The following LTBP3 variants were observed in gnomAD, a reference collection of about 807,000 sequenced individuals.
LTBP3 encodes latent-transforming growth factor beta-binding protein 3.
LTBP3 carries 97 observed loss-of-function variants against 159.7 expected under a neutral mutation model. The ratio of observed to expected loss-of-function variants is 0.61; its 90% CI spans 0.52 to 0.72. LTBP3 has a LOEUF of 0.72. Ranked by LOEUF, LTBP3 falls within the 30% of genes least tolerant of loss-of-function variation. LTBP3 has a pLI of 0.00. For missense variants in LTBP3, 1,584 were observed against 1,864.3 expected (o/e 0.85, Z 2.77); for synonymous variants, 824 against 777.1 (o/e 1.06, Z -1.00).
At chr11:65,549,567 C>CTTTTTTTTT (rs748132211) in intron 11 of LTBP3, among the ~76,000 whole-genome samples, 791 of 64,816 alleles carry the variant, frequency 0.012, 1 homozygote, top group African/African-American at 0.014. Context: ...CCCAGCTAAT[C>CTTTTTTTTT]TTTTTTTTTT....
intron 8 of LTBP3, 168 bp downstream of exon 8, chr11:65,551,804 G>T: frequency 1.0e-6 from 1 of 959,242 alleles, no homozygotes; most frequent in Non-Finnish European, 1.6e-6. Flanking sequence ...TATAGCTCAG[G>T]GTCAAATATC....
intron 24 of LTBP3, 32 bp from the exon 25 acceptor site, chr11:65,539,913 C>A: frequency 1.3e-6 from 2 of 1,495,848 alleles, no homozygotes; most frequent in South Asian, 2.5e-5. Flanking sequence ...AGGGGAGGGG[C>A]CCAAGGCAGG....
rs761225152 is a variant in LTBP3 at position 65,546,597 on chromosome 11, C to G, written c.2231-33G>C. ...GGAAAGACCTAGCCTCGGACTCTGC[C>G]CCACCGGAAGGCGGACCGCGCACCT... On this transcript the variant is annotated intron_variant, in intron 15 of 27. Coordinates refer to ENST00000301873, the MANE Select transcript of LTBP3 (RefSeq NM_001130144.3). The surrounding 1 kb of genome is among the most constrained non-coding windows in gnomAD (Gnocchi z 4.0). 5 of 1,599,236 alleles carry G rather than the reference C, an allele frequency of 3.1e-6. No individual in the cohort carries two copies. In the Admixed American group the frequency reaches 6.7e-5, roughly 21 times the overall value.
At chr11:65,543,891 C>G (rs1262895231) in intron 16 of LTBP3, 4 of 373,056 alleles carry the variant, frequency 1.1e-5, no homozygotes, top group African/African-American at 2.1e-5. Context: ...TTCCCACTTT[C>G]TTCTGCTCAT....
chr11:65,541,823 A>G, intron 18 of LTBP3, 95 bp from the exon 19 acceptor site: 1 of 1,467,494 alleles, frequency 6.8e-7, no homozygotes, highest in Middle Eastern at 2.1e-4. Flanking sequence ...CTGAATTTCC[A>G]CTTTGGTTTC....
Position 65,547,530 on chromosome 11 carries a change from G to C in LTBP3, c.2016C>G (p.Asp672Glu), listed in dbSNP as rs1432255503. 6.2e-7 allele frequency: 1 copy of C among 1,613,952 alleles called. No homozygotes were observed. The highest frequency in any genetic ancestry group is 1.1e-5 in the South Asian group (1 of 91,092). The change falls in exon 14 of 28, where the codon GAC (aspartate) becomes GAG (glutamate). Residue 672 changes from aspartate (D) to glutamate (E), a missense_variant. Asp to Glu is a conservative substitution (Grantham distance 45). Transcript: ENST00000301873. The surrounding 1 kb of genome is among the most constrained non-coding windows in gnomAD (Gnocchi z 4.6). ...NECAKPHLCG[D>E]GGFCINFPGH... ...CGGGAAAGTTGATGCAGAAGCCGCC[G>C]TCGCCGCACAGGTGGGGCTTGGCGC...
Position 65,538,659 on chromosome 11 carries a change from C to T in LTBP3, c.*421G>A, listed in dbSNP as rs921446147. 4 of 1,399,002 alleles carry T rather than the reference C, an allele frequency of 2.9e-6. No individual in the cohort carries two copies. The highest frequency in any genetic ancestry group is 1.4e-5 in the African/African-American group (1 of 70,122). 86.7% of individuals were successfully genotyped at this position (1,399,002 alleles called of 1,614,324 possible). On this transcript the variant is annotated 3_prime_UTR_variant, in exon 28 of 28. Transcript: ENST00000301873. ...GTGAGCCCGGCCGGCCCAGCCAGGC[C>T]ATCTCACGTGTACATAATCAGAGCC...
Position 65,539,622 on chromosome 11 carries a change from T to C in LTBP3, c.3554A>G (p.His1185Arg). 6.2e-7 allele frequency: 1 copy of C among 1,610,226 alleles called. No individual in the cohort carries two copies. The highest frequency in any genetic ancestry group is 8.5e-7 in the Non-Finnish European group (1 of 1,178,780). ...RPCPPRGAGSHCPTSQSESNS... is the reference protein window; with the variant it reads ...RPCPPRGAGSRCPTSQSESNS... ...GCTCTCGCTCTGCGATGTCGGGCAATGGGACCCTGGGAGGAGCAGAACTGG... is the reference window on the plus strand; with the variant it reads ...GCTCTCGCTCTGCGATGTCGGGCAACGGGACCCTGGGAGGAGCAGAACTGG... Residue 1185 changes from histidine to arginine, a missense_variant, in exon 26 of 28, where the codon CAT (histidine) becomes CGT (arginine). Around this residue, in one of 6 missense-constraint regions of LTBP3, gnomAD observed 514 missense variants for 530.3 expected, o/e 0.97. Coordinates refer to ENST00000301873, the MANE Select transcript of LTBP3 (RefSeq NM_001130144.3).
Position 65,554,288 on chromosome 11 carries a change from C to A in LTBP3, c.424G>T (p.Val142Leu). 1 of 1,611,540 alleles carries A rather than the reference C, an allele frequency of 6.2e-7. No homozygotes were observed. Among genetic ancestry groups the A allele is most frequent in the South Asian group, 1.1e-5 (1 of 90,956 alleles). The part of the protein sequence containing the change: ...PPDFTGRFCQ[V>L]PAGGAGGGTG... ...CCCCCACCGGCTCCTCCTGCGGGCA[C>A]CTGGCAGAAGCGCCCAGTGAAGTCC... Residue 142 changes from valine to leucine, a missense_variant, in exon 2 of 28, where the codon GTG (valine) becomes TTG (leucine). Val to Leu is a conservative substitution (Grantham distance 32). This residue lies in a region of LTBP3 where 76 missense variants were observed against 133.3 expected (regional missense o/e 0.57). Transcript: ENST00000301873. This position sits in a 1 kb window ranked among gnomAD's most constrained non-coding sequence, Gnocchi z 5.3.
At chr11:65,551,789 G>C in intron 8 of LTBP3, 183 bp downstream of exon 8, 1 of 923,452 alleles carries the variant, frequency 1.1e-6, no homozygotes, top group African/African-American at 1.6e-5. Context: ...GAAGGCTTAG[G>C]AGGTTATAGC....
chr11:65,545,564 C>A, intron 16 of LTBP3: 1 of 230,920 alleles, frequency 4.3e-6, no homozygotes, highest in East Asian at 6.1e-5. Flanking sequence ...TTTCACTTGA[C>A]ATCCAGTTAA....
Position 65,538,726 on chromosome 11 carries a change from T to C in LTBP3, c.*354A>G. Reference sequence around the variant, plus strand: ...CACACCCCTTGTGCCGGGCTCAGTCTAGCCCCTGGGAGGCGGCTGGGGTCT... The same window carrying C: ...CACACCCCTTGTGCCGGGCTCAGTCCAGCCCCTGGGAGGCGGCTGGGGTCT... On this transcript the variant is annotated 3_prime_UTR_variant, in exon 28 of 28. Transcript: ENST00000301873. 1 of 1,087,114 alleles carries C rather than the reference T, an allele frequency of 9.2e-7. No individual in the cohort carries two copies. Among genetic ancestry groups the C allele is most frequent in the Non-Finnish European group, 1.3e-6 (1 of 782,586 alleles). 67.3% of individuals were successfully genotyped at this position (1,087,114 alleles called of 1,614,324 possible).
chr11:65,547,348 G>GAAAAA lies in LTBP3; in HGVS notation c.2107+86_2107+90dup. 1 of 834,954 alleles carries GAAAAA rather than the reference G, an allele frequency of 1.2e-6. No individual in the cohort carries two copies. Among genetic ancestry groups the GAAAAA allele is most frequent in the Non-Finnish European group, 1.6e-6 (1 of 628,416 alleles). 51.7% of individuals were successfully genotyped at this position (834,954 alleles called of 1,614,324 possible). A position where few individuals can be genotyped will look rare whatever the true frequency, so the allele number is the denominator to read the frequency against. On this transcript the variant is annotated intron_variant, in intron 14 of 27. Coordinates refer to ENST00000301873, the MANE Select transcript of LTBP3 (RefSeq NM_001130144.3). This position sits in a 1 kb window ranked among gnomAD's most constrained non-coding sequence, Gnocchi z 4.6. Reference sequence around the variant, plus strand: ...GACAGAGTGAGACTCCGTCTCGGGGGAAAAAAAAAAAAATGCAGGCACCCC... The same window carrying GAAAAA: ...GACAGAGTGAGACTCCGTCTCGGGGGAAAAAAAAAAAAAAAAAATGCAGGCACCCC...
In LTBP3 at chr11:65,552,232, G is replaced by A. The variant is rs1438495562; in HGVS notation, c.1345+16C>T. 1.2e-6 allele frequency: 2 copies of A among 1,614,140 alleles called. No homozygotes were observed. The highest frequency in any genetic ancestry group is 2.2e-5 in the East Asian group (1 of 44,874). On this transcript the variant is annotated intron_variant, in intron 7 of 27. Coordinates refer to ENST00000301873, the MANE Select transcript of LTBP3 (RefSeq NM_001130144.3). The surrounding 1 kb of genome is among the most constrained non-coding windows in gnomAD (Gnocchi z 6.0). The stretch of plus-strand genomic sequence containing the variant: ...ATGGACCTATGAACCCCTATCCCCG[G>A]GTAACCCTGACTCACCGGTGCCATC...
rs143450877 is a variant in LTBP3 at position 65,543,131 on chromosome 11, C to T, written c.2570G>A (p.Arg857Gln). Residue 857 changes from arginine to glutamine, a missense_variant, in exon 18 of 28, where the codon CGG becomes CAG. By Grantham distance (43) the Arg-to-Gln change is conservative. Around this residue, in one of 6 missense-constraint regions of LTBP3, gnomAD observed 565 missense variants for 677.7 expected, o/e 0.83. Coordinates refer to ENST00000301873, the MANE Select transcript of LTBP3 (RefSeq NM_001130144.3). ...TTGGCATTTCCTGCCACCCACCAGC[C>T]GATGCCCCTGGGGGCAAAGACATCT... is the stretch of plus-strand genomic sequence containing the variant. ...SYRCLCPQGH[R>Q]LVGGRKCQDI... The T allele has an allele frequency of 2.5e-5, 41 of 1,614,000 alleles. No homozygotes were observed. The Admixed American group carries it at 2.8e-4, about 11-fold the overall frequency.
chr11:65,542,814 G>A (rs1045698693), intron 18 of LTBP3: 7 of 424,744 alleles, frequency 1.6e-5, no homozygotes, highest in African/African-American at 8.1e-5. Context: ...TAAGCACCAC[G>A]ATAGCACTAA....
chr11:65,540,758 G>A, intron 21 of LTBP3, 113 bp downstream of exon 21: 1 of 1,485,152 alleles, frequency 6.7e-7, no homozygotes, highest in South Asian at 1.2e-5. Context: ...CGAGGAAGGT[G>A]CGGGCGGGGC....
chr11:65,549,154 C>T (rs998576029), intron 11 of LTBP3, among the ~76,000 whole-genome samples: 2 of 152,220 alleles, frequency 1.3e-5, no homozygotes, highest in African/African-American at 4.8e-5. Context: ...CACAGAGGGA[C>T]TGCTCAGTCT....
Position 65,546,299 on chromosome 11 carries a change from G to A in LTBP3, c.2353+143C>T. The A allele has an allele frequency of 2.7e-6, 3 of 1,120,636 alleles. No individual in the cohort carries two copies. Among genetic ancestry groups the A allele is most frequent in the Non-Finnish European group, 3.6e-6 (3 of 823,956 alleles). 69.4% of individuals were successfully genotyped at this position (1,120,636 alleles called of 1,614,324 possible). ...TTCTAGTGGTGCCTTCCTTGGCAAA[G>A]TTCGTTGAGAAAATGAGTGAGCAGA... On this transcript the variant is annotated intron_variant, in intron 16 of 27. Coordinates refer to ENST00000301873, the MANE Select transcript of LTBP3 (RefSeq NM_001130144.3). This position sits in a 1 kb window ranked among gnomAD's most constrained non-coding sequence, Gnocchi z 4.0.
Sources: gnomAD v4.1 joint callset for allele counts (sites outside exome capture counted in the v4.1 genomes callset) on GRCh38, gnomAD v4.1.1 for gene constraint, gnomAD v4.1.1 regional missense constraint, Gnocchi (gnomAD v3.1) non-coding constraint, MANE v1.5 for transcripts, NCBI Gene and HGNC (gene_info 2026-07-23, HGNC 2026-07-21) for gene names.